The following COTL1 variants were observed in gnomAD, a reference collection of about 807,000 sequenced individuals.
COTL1 encodes coactosin-like protein.
Under a neutral mutation model 16.5 loss-of-function variants are expected in COTL1, and 15 were observed. The ratio of observed to expected loss-of-function variants is 0.91; its 90% CI spans 0.61 to 1.40. The LOEUF is 1.40. Ranked by LOEUF, COTL1 falls within the 40% of genes most tolerant of loss-of-function variation. The pLI is 0.00. For missense variants in COTL1, 220 were observed against 201.5 expected (o/e 1.09, Z -0.56); for synonymous variants, 112 against 85.3 (o/e 1.31, Z -1.73).
intron 2 of COTL1, among the ~76,000 whole-genome samples, chr16:84,592,107 C>T (rs1597176809): frequency 6.6e-6 from 1 of 152,348 alleles, no homozygotes; most frequent in East Asian, 1.9e-4. Context: ...CCATACATTG[C>T]AGATGTCCTC....
chr16:84,614,020 C>G (rs368007672), intron 2 of COTL1, among the ~76,000 whole-genome samples: 2 of 152,134 alleles, frequency 1.3e-5, no homozygotes, highest in African/African-American at 4.8e-5. Context: ...CCCCCCTCCC[C>G]GCAAGAATGG....
intron 2 of COTL1, among the ~76,000 whole-genome samples, chr16:84,605,665 A>G (rs1905198171): frequency 6.6e-6 from 1 of 152,246 alleles, no homozygotes; most frequent in Admixed American, 6.5e-5. Flanking sequence ...GCCACAAGCC[A>G]AAGAATGCAG....
intron 2 of COTL1, among the ~76,000 whole-genome samples, chr16:84,601,265 T>G (rs1309163200): frequency 6.6e-6 from 1 of 152,062 alleles, no homozygotes; most frequent in Non-Finnish European, 1.5e-5. Flanking sequence ...GAAAATGCAA[T>G]CCCTACCTTC....
At chr16:84,612,750 C>T (rs937025589) in intron 2 of COTL1, among the ~76,000 whole-genome samples, 7 of 152,132 alleles carry the variant, frequency 4.6e-5, no homozygotes, top group Non-Finnish European at 7.4e-5. Context: ...CAGAGAAAAA[C>T]TTTGTCTCAA....
chr16:84,566,075 C>T lies in COTL1; in HGVS notation c.*770G>A, dbSNP rs1904297028. On this transcript the variant is annotated 3_prime_UTR_variant, in exon 4 of 4. Coordinates refer to ENST00000262428, the MANE Select transcript of COTL1 (RefSeq NM_021149.5). ...TCCCTCCGTCAACTCTGGGCTCAGACCTTTGCCCTTCTCTGTGTCACAAGG... is the reference window on the plus strand; with the variant it reads ...TCCCTCCGTCAACTCTGGGCTCAGATCTTTGCCCTTCTCTGTGTCACAAGG... 6.5e-6 allele frequency: 1 copy of T among 152,734 alleles called. No homozygotes were observed. Among genetic ancestry groups the T allele is most frequent in the African/African-American group, 2.4e-5 (1 of 41,464 alleles). 9.5% of individuals were successfully genotyped at this position (152,734 alleles called of 1,614,324 possible). A position where few individuals can be genotyped will look rare whatever the true frequency, so the allele number is the denominator to read the frequency against.
rs1904296982 is a variant in COTL1, at chr16:84,566,067, G to A, written c.*778C>T. 6.5e-6 allele frequency: 1 copy of A among 152,700 alleles called. No individual in the cohort carries two copies. The highest frequency in any genetic ancestry group is 2.4e-5 in the African/African-American group (1 of 41,454). The allele number at this position is 152,700 out of a possible 1,614,324, so 9.5% of individuals were successfully genotyped here. ...TGAAATACTCCCTCCGTCAACTCTGGGCTCAGACCTTTGCCCTTCTCTGTG... is the reference window on the plus strand; with the variant it reads ...TGAAATACTCCCTCCGTCAACTCTGAGCTCAGACCTTTGCCCTTCTCTGTG... On this transcript the variant is annotated 3_prime_UTR_variant, in exon 4 of 4. Coordinates refer to ENST00000262428, the MANE Select transcript of COTL1 (RefSeq NM_021149.5).
intron 3 of COTL1, among the ~76,000 whole-genome samples, chr16:84,569,748 G>A (rs144280307): frequency 1.3e-3 from 198 of 152,304 alleles, no homozygotes; most frequent in African/African-American, 4.6e-3. Flanking sequence ...AAGAACACAA[G>A]TTGGATGTAA....
chr16:84,566,563 A>C lies in COTL1; in HGVS notation c.*282T>G, dbSNP rs1357376130. Reference sequence around the variant, plus strand: ...AGGCACCTCGGATCTGATGGCAGGCAGGACCTTGCATCAAAATGACTTTTC... The same window carrying C: ...AGGCACCTCGGATCTGATGGCAGGCCGGACCTTGCATCAAAATGACTTTTC... On this transcript the variant is annotated 3_prime_UTR_variant, in exon 4 of 4. Coordinates refer to ENST00000262428, the MANE Select transcript of COTL1 (RefSeq NM_021149.5). 1 of 370,032 alleles carries C rather than the reference A, an allele frequency of 2.7e-6. No individual in the cohort carries two copies. The highest frequency in any genetic ancestry group is 5.0e-6 in the Non-Finnish European group (1 of 201,492). The allele number at this position is 370,032 out of a possible 1,614,324, so 22.9% of individuals were successfully genotyped here.
chr16:84,600,429 C>T (rs1278452622), intron 2 of COTL1, among the ~76,000 whole-genome samples: 1 of 151,730 alleles, frequency 6.6e-6, no homozygotes, highest in Non-Finnish European at 1.5e-5. Context: ...TCTCCTGCCT[C>T]AGCCTCCTGA....
At chr16:84,582,056 C>T (rs563934699) in intron 3 of COTL1, among the ~76,000 whole-genome samples, 1 of 135,742 alleles carries the variant, frequency 7.4e-6, no homozygotes, top group East Asian at 2.2e-4. Context: ...TGCAATCTCT[C>T]GGCTCACTGC....
chr16:84,599,132 C>A (rs1432765564), intron 2 of COTL1, among the ~76,000 whole-genome samples: 1 of 146,604 alleles, frequency 6.8e-6, no homozygotes, highest in Non-Finnish European at 1.5e-5. Flanking sequence ...CAGGTCAGCA[C>A]TGAGGAAGAG....
At chr16:84,613,211 G>A (rs1009121041) in intron 2 of COTL1, among the ~76,000 whole-genome samples, 3 of 152,046 alleles carry the variant, frequency 2.0e-5, no homozygotes, top group African/African-American at 7.2e-5. Flanking sequence ...TGTTGGCCAG[G>A]CTGGTCTCGA....
At chr16:84,572,070 C>T (rs780280550) in intron 3 of COTL1, among the ~76,000 whole-genome samples, 6 of 152,276 alleles carry the variant, frequency 3.9e-5, no homozygotes, top group South Asian at 2.1e-4. Flanking sequence ...CACCTCTCCA[C>T]CTCCACGCCT....
chr16:84,603,349 G>T (rs190170391), intron 2 of COTL1, among the ~76,000 whole-genome samples: 141 of 152,284 alleles, frequency 9.3e-4, no homozygotes, highest in African/African-American at 3.2e-3. Flanking sequence ...AACGAAGTGT[G>T]ACTCAGCCAG....
At chr16:84,607,221 G>C (rs1425412648) in intron 2 of COTL1, among the ~76,000 whole-genome samples, 1 of 152,204 alleles carries the variant, frequency 6.6e-6, no homozygotes, top group Non-Finnish European at 1.5e-5. Flanking sequence ...CGAGCAGAGG[G>C]AACATTCACA....
chr16:84,591,186 T>G (rs1904851399), intron 2 of COTL1, among the ~76,000 whole-genome samples: 1 of 103,364 alleles, frequency 9.7e-6, no homozygotes, highest in Non-Finnish European at 1.8e-5. Context: ...ATTCTGGAAT[T>G]TTTTTTTTTT....
intron 3 of COTL1, among the ~76,000 whole-genome samples, chr16:84,572,455 C>G (rs1904354471): frequency 1.3e-5 from 2 of 152,280 alleles, no homozygotes; most frequent in East Asian, 3.9e-4. Context: ...CGGACACACA[C>G]AGAATGTTAA....
At chr16:84,598,450 A>C (rs961112470) in intron 2 of COTL1, among the ~76,000 whole-genome samples, 2 of 152,142 alleles carry the variant, frequency 1.3e-5, no homozygotes, top group African/African-American at 4.8e-5. Context: ...CATCTGTGTC[A>C]ACAAATCAGC....
intron 2 of COTL1, among the ~76,000 whole-genome samples, chr16:84,592,037 G>T (rs1256749096): frequency 6.6e-6 from 1 of 152,104 alleles, no homozygotes; most frequent in Non-Finnish European, 1.5e-5. Flanking sequence ...CCCGTAAATT[G>T]CAGGGTGCTG....
Sources: gnomAD v4.1 joint callset for allele counts (sites outside exome capture counted in the v4.1 genomes callset) on GRCh38, gnomAD v4.1.1 for gene constraint, MANE v1.5 for transcripts, NCBI Gene and HGNC (gene_info 2026-07-23, HGNC 2026-07-21) for gene names.